The following ZNF385D variants were observed in gnomAD, a reference collection of about 807,000 sequenced individuals.
ZNF385D encodes zinc finger protein 659.
In ZNF385D, 15 loss-of-function variants were observed where a neutral mutation model predicts 35.8. The observed-to-expected ratio is 0.42, with a 90% CI of 0.28 to 0.64. ZNF385D has a LOEUF of 0.64. Among genes scored for constraint, ZNF385D ranks in the 30% least tolerant of loss-of-function variants. The pLI is 0.23. For synonymous variants in ZNF385D, 212 were observed against 186.8 expected (o/e 1.13, Z -1.10); for missense variants, 474 against 494.6 (o/e 0.96, Z 0.39).
chr3:21,979,065 A>C (rs1232050840), intron 3 of ZNF385D, among the ~76,000 whole-genome samples: 1 of 152,196 alleles, frequency 6.6e-6, no homozygotes, highest in Non-Finnish European at 1.5e-5. Context: ...AGCACAATAG[A>C]AAATAGTTGT....
At chr3:21,596,232 C>T (rs1337711231) in intron 2 of ZNF385D, among the ~76,000 whole-genome samples, 1 of 152,152 alleles carries the variant, frequency 6.6e-6, no homozygotes, top group African/African-American at 2.4e-5. Flanking sequence ...TAATTTGAGT[C>T]AGAAGCAATT....
intron 4 of ZNF385D, among the ~76,000 whole-genome samples, chr3:21,451,621 A>G (rs1702467136): frequency 6.6e-6 from 1 of 152,132 alleles, no homozygotes; most frequent in Non-Finnish European, 1.5e-5. Flanking sequence ...TCTCAAAGGC[A>G]AACATAAATA....
At chr3:21,824,663 T>G (rs1310768896) in intron 3 of ZNF385D, among the ~76,000 whole-genome samples, 2 of 152,098 alleles carry the variant, frequency 1.3e-5, no homozygotes, top group Non-Finnish European at 2.9e-5. Context: ...GGTGATGAAG[T>G]TGAATAGAAA....
intron 3 of ZNF385D, among the ~76,000 whole-genome samples, chr3:21,525,946 T>C (rs1414979341): frequency 6.6e-6 from 1 of 152,154 alleles, no homozygotes; most frequent in Non-Finnish European, 1.5e-5. Context: ...TTTTTTCCCC[T>C]TGGGCATATA....
intron 3 of ZNF385D, among the ~76,000 whole-genome samples, chr3:21,759,616 G>A (rs1012883901): frequency 6.6e-6 from 1 of 152,108 alleles, no homozygotes; most frequent in African/African-American, 2.4e-5. Context: ...CAGGCTGAAA[G>A]ATCTTATACA....
chr3:22,132,169 T>C lies in ZNF385D; in HGVS notation c.325+36648A>G, dbSNP rs1215249842. Among the ~76,000 whole-genome samples, 4 of 152,276 alleles carry C rather than the reference T, an allele frequency of 2.6e-5. No individual in the cohort carries two copies. In the East Asian group the frequency reaches 7.7e-4, roughly 29 times the overall value. On this transcript the variant is annotated intron_variant, in intron 3 of 5. Transcript: ENST00000494108. ...GTTGAAATCTTAACCCCTGTGGTGATGGTATTTGGAGGCAGGATCTTGGGT... is the reference window on the plus strand; with the variant it reads ...GTTGAAATCTTAACCCCTGTGGTGACGGTATTTGGAGGCAGGATCTTGGGT...
intron 3 of ZNF385D, among the ~76,000 whole-genome samples, chr3:21,949,017 T>C (rs1701928983): frequency 6.6e-6 from 1 of 152,210 alleles, no homozygotes. Flanking sequence ...TTACTTAATA[T>C]CCAAAAATTT....
Position 21,898,514 on chromosome 3 carries a change from G to A in ZNF385D, c.326-233486C>T, listed in dbSNP as rs567714709. 3.3e-5 allele frequency among the ~76,000 whole-genome samples: 5 copies of A among 151,900 alleles called. No individual in the cohort carries two copies. In the East Asian group the frequency reaches 7.7e-4, roughly 23 times the overall value. ...TTGTTTCATATTATTTATACTTCTAGTCTGCTTCATTTCAGTTACTGGAAA... is the reference window on the plus strand; with the variant it reads ...TTGTTTCATATTATTTATACTTCTAATCTGCTTCATTTCAGTTACTGGAAA... On this transcript the variant is annotated intron_variant, in intron 3 of 5. Coordinates refer to the ZNF385D transcript ENST00000494108.
chr3:21,991,190 T>C (rs1309734267), intron 3 of ZNF385D, among the ~76,000 whole-genome samples: 1 of 152,226 alleles, frequency 6.6e-6, no homozygotes, highest in African/African-American at 2.4e-5. Flanking sequence ...AGCAAACTAA[T>C]TAAAATGTTG....
chr3:21,976,064 G>A (rs1443333810), intron 3 of ZNF385D, among the ~76,000 whole-genome samples: 1 of 152,060 alleles, frequency 6.6e-6, no homozygotes, highest in East Asian at 1.9e-4. Context: ...ACACCTTGAG[G>A]GATGCACCAT....
At chr3:22,000,639 G>C (rs1268292677) in intron 3 of ZNF385D, among the ~76,000 whole-genome samples, 1 of 151,694 alleles carries the variant, frequency 6.6e-6, no homozygotes, top group African/African-American at 2.4e-5. Flanking sequence ...GAGAATTCTA[G>C]AAACAGCAAG....
intron 4 of ZNF385D, among the ~76,000 whole-genome samples, chr3:21,473,873 C>T (rs1704058797): frequency 6.6e-6 from 1 of 151,952 alleles, no homozygotes; most frequent in Non-Finnish European, 1.5e-5. Context: ...TCTATTAAAC[C>T]ATCTGCCTTT....
At chr3:22,203,103 A>AGT (rs1186373184) in intron 2 of ZNF385D, among the ~76,000 whole-genome samples, 1 of 152,082 alleles carries the variant, frequency 6.6e-6, no homozygotes, top group Non-Finnish European at 1.5e-5. Flanking sequence ...AATCCCAGGC[A>AGT]GTGCAGCTCA....
chr3:21,790,178 C>CGGGG (rs2071869211), intron 3 of ZNF385D, among the ~76,000 whole-genome samples: 1 of 151,780 alleles, frequency 6.6e-6, no homozygotes, highest in South Asian at 2.1e-4. Flanking sequence ...GAAGAAGTCT[C>CGGGG]GGGGGACAGA....
chr3:21,433,561 A>G (rs776129496), intron 5 of ZNF385D, among the ~76,000 whole-genome samples: 23 of 152,276 alleles, frequency 1.5e-4, no homozygotes, highest in Non-Finnish European at 2.2e-4. Flanking sequence ...AAGCACTATT[A>G]GAGGGGCAGG....
At chr3:21,880,994 A>C (rs1468963398) in intron 3 of ZNF385D, among the ~76,000 whole-genome samples, 3 of 151,966 alleles carry the variant, frequency 2.0e-5, no homozygotes, top group Admixed American at 6.6e-5. Context: ...AGAGGTGAGG[A>C]AGCTGTGGAA....
At chr3:21,980,214 A>G (rs1030669683) in intron 3 of ZNF385D, among the ~76,000 whole-genome samples, 5 of 152,190 alleles carry the variant, frequency 3.3e-5, no homozygotes, top group Admixed American at 2.0e-4. Context: ...GCTACCTTGT[A>G]AGTAGATCCT....
chr3:21,765,207 T>C (rs1240447589), intron 3 of ZNF385D, among the ~76,000 whole-genome samples: 1 of 150,512 alleles, frequency 6.6e-6, no homozygotes, highest in Non-Finnish European at 1.5e-5. Flanking sequence ...ATAAAATCTG[T>C]GTGTGTGTGT....
At position 21,441,785 on chromosome 3, in the gene ZNF385D, C is replaced by A; in HGVS notation, c.440-4582G>T. On this transcript the variant is annotated intron_variant, in intron 4 of 7. Transcript: ENST00000281523. ...GTAGGAAAACGATTCGCTTTTCTTA[C>A]TGTTTCCCAAAGGCTGATTCAGATT... 3 of 972,184 alleles carry A rather than the reference C, an allele frequency of 3.1e-6. No individual in the cohort carries two copies. The South Asian group carries it at 1.4e-4, about 46-fold the overall frequency. 60.2% of individuals were successfully genotyped at this position (972,184 alleles called of 1,614,324 possible).
Sources: allele counts gnomAD v4.1 joint callset (sites outside exome capture counted in the v4.1 genomes callset), GRCh38; gene constraint gnomAD v4.1.1; transcripts MANE v1.5; gene names NCBI Gene and HGNC (gene_info 2026-07-23, HGNC 2026-07-21).